DUSP29: variants seen among roughly 807,000 people sequenced by gnomAD.
DUSP29 encodes the protein atypical dual-specific protein phosphatase.
Under a neutral mutation model 13.5 loss-of-function variants are expected in DUSP29, and 12 were observed. That is an observed-to-expected ratio of 0.89 (90% CI 0.57 to 1.44). The LOEUF is 1.44. Among genes scored for constraint, DUSP29 ranks in the 40% most tolerant of loss-of-function variants. The pLI, the probability that DUSP29 is intolerant of heterozygous loss-of-function variation, is 0.00. For synonymous variants in DUSP29, 134 were observed against 128.7 expected (o/e 1.04, Z -0.28); for missense variants, 308 against 301.1 (o/e 1.02, Z -0.17).
At chr10:75,059,018 A>G (rs1049838101) in intron 1 of DUSP29, among the ~76,000 whole-genome samples, 6 of 152,142 alleles carry the variant, frequency 3.9e-5, no homozygotes, top group Non-Finnish European at 8.8e-5. Flanking sequence ...GAAAGAGTAC[A>G]TCGCCAAGGC....
intron 1 of DUSP29, among the ~76,000 whole-genome samples, chr10:75,059,694 G>A (rs1385253232): frequency 6.6e-6 from 1 of 152,050 alleles, no homozygotes; most frequent in Non-Finnish European, 1.5e-5. Flanking sequence ...GGCAGGCCGG[G>A]GATGCAGAGA....
At chr10:75,064,382 C>T (rs1847152451) in intron 1 of DUSP29, among the ~76,000 whole-genome samples, 1 of 152,148 alleles carries the variant, frequency 6.6e-6, no homozygotes, top group African/African-American at 2.4e-5. Flanking sequence ...GTGGCGCATG[C>T]CTGTAGTCCC....
At chr10:75,050,074 G>A (rs1387058069) in intron 2 of DUSP29, among the ~76,000 whole-genome samples, 4 of 152,214 alleles carry the variant, frequency 2.6e-5, no homozygotes, top group Non-Finnish European at 5.9e-5. Flanking sequence ...GCATTGTGGA[G>A]AGGGAAGAGA....
At chr10:75,059,951 G>C (rs1364779615) in intron 1 of DUSP29, among the ~76,000 whole-genome samples, 1 of 152,140 alleles carries the variant, frequency 6.6e-6, no homozygotes, top group African/African-American at 2.4e-5. Context: ...CTGAGGTCAG[G>C]AGTTCAAGAC....
intron 1 of DUSP29, among the ~76,000 whole-genome samples, chr10:75,063,284 G>T (rs1360039634): frequency 6.6e-6 from 1 of 152,154 alleles, no homozygotes; most frequent in African/African-American, 2.4e-5. Flanking sequence ...TGTAATCGAT[G>T]CTATTCTTGC....
intron 1 of DUSP29, among the ~76,000 whole-genome samples, chr10:75,060,432 T>G (rs142782400): frequency 1.2e-3 from 176 of 147,108 alleles, no homozygotes; most frequent in African/African-American, 4.4e-3. Context: ...GCCAAGATCA[T>G]ATCACTGCTC....
rs1846501006 is a variant in DUSP29, at chr10:75,037,993, G to A, written c.506C>T (p.Thr169Ile). The A allele has an allele frequency of 1.9e-6, 3 of 1,613,844 alleles. No individual in the cohort carries two copies. The highest frequency in any genetic ancestry group is 1.3e-5 in the African/African-American group (1 of 74,934). Reference protein sequence around the residue: ...LAYLMIHKDMTLVDAIQQVAK... With the variant: ...LAYLMIHKDMILVDAIQQVAK... ...CACTTGCTGGATGGCGTCCACCAGG[G>A]TCATGTCCTTGTGGATCATCAGGTA... Residue 169 changes from threonine to isoleucine, a missense_variant, in exon 4 of 4, where the codon ACC becomes ATC. Transcript: ENST00000338487.
At chr10:75,055,696 CA>C (rs1343345330) in intron 2 of DUSP29, among the ~76,000 whole-genome samples, 2 of 152,092 alleles carry the variant, frequency 1.3e-5, no homozygotes, top group Non-Finnish European at 2.9e-5. Flanking sequence ...GTAAATATAA[CA>C]AAAGCTCTGA....
At chr10:75,065,558 A>T (rs947662621) in intron 1 of DUSP29, among the ~76,000 whole-genome samples, 2 of 152,004 alleles carry the variant, frequency 1.3e-5, no homozygotes, top group Non-Finnish European at 2.9e-5. Context: ...CAAACTTCTG[A>T]CCTCAAATGA....
At chr10:75,069,357 T>C (rs1847270997) in intron 1 of DUSP29, among the ~76,000 whole-genome samples, 1 of 152,138 alleles carries the variant, frequency 6.6e-6, no homozygotes, top group Admixed American at 6.5e-5. Context: ...ACCAGGCCCG[T>C]TGTGGTTCCT....
intron 1 of DUSP29, among the ~76,000 whole-genome samples, chr10:75,060,754 A>G (rs1847071153): frequency 6.6e-6 from 1 of 152,214 alleles, no homozygotes; most frequent in African/African-American, 2.4e-5. Context: ...AGATGGTCAG[A>G]CATCATATGC....
At chr10:75,072,493 T>C (rs1026094086) in intron 1 of DUSP29, among the ~76,000 whole-genome samples, 4 of 152,042 alleles carry the variant, frequency 2.6e-5, no homozygotes, top group Non-Finnish European at 5.9e-5. Flanking sequence ...CCAGCCTCCA[T>C]GCCCAACGCG....
chr10:75,070,816 G>A (rs952282571), intron 1 of DUSP29, among the ~76,000 whole-genome samples: 6 of 152,182 alleles, frequency 3.9e-5, no homozygotes, highest in Non-Finnish European at 5.9e-5. Context: ...GCCTCTGGTC[G>A]CTGTGTCAGG....
chr10:75,056,224 T>A (rs1846955239), intron 2 of DUSP29, among the ~76,000 whole-genome samples: 1 of 152,034 alleles, frequency 6.6e-6, no homozygotes, highest in Non-Finnish European at 1.5e-5. Context: ...GATTCATTTT[T>A]AATTGCTTAA....
chr10:75,058,534 C>G lies in DUSP29; in HGVS notation c.-20G>C, dbSNP rs865949250. On this transcript the variant is annotated 5_prime_UTR_variant, in exon 2 of 4. Transcript: ENST00000338487. The stretch of plus-strand genomic sequence containing the variant: ...TGTCATTTTAGAGCCAAGGGATTTT[C>G]TCTCCTTTCTGCAGCTGGTTATGAG... 4.3e-6 allele frequency: 7 copies of G among 1,613,244 alleles called. 1 individual carries two copies. The Middle Eastern group carries it at 1.2e-3, about 266-fold the overall frequency.
intron 1 of DUSP29, among the ~76,000 whole-genome samples, chr10:75,062,143 C>T (rs1039646095): frequency 6.6e-6 from 1 of 152,190 alleles, no homozygotes; most frequent in Non-Finnish European, 1.5e-5. Context: ...CTTTCAGTCC[C>T]CTAAGAGCAT....
chr10:75,070,591 T>G (rs559540388), intron 1 of DUSP29, among the ~76,000 whole-genome samples: 1 of 151,664 alleles, frequency 6.6e-6, no homozygotes, highest in South Asian at 2.1e-4. Context: ...GGAGGGTGGG[T>G]GGGGAATTCC....
At chr10:75,038,585 CAG>C (rs1486711166) in intron 3 of DUSP29, among the ~76,000 whole-genome samples, 1 of 152,112 alleles carries the variant, frequency 6.6e-6, no homozygotes, top group Non-Finnish European at 1.5e-5. Flanking sequence ...TCCCAGAAAA[CAG>C]GGTAATTCTT....
chr10:75,042,425 A>G (rs1846605369), intron 3 of DUSP29, among the ~76,000 whole-genome samples: 1 of 152,240 alleles, frequency 6.6e-6, no homozygotes, highest in Admixed American at 6.5e-5. Context: ...TTCAAATACT[A>G]TGAGGCAAAT....
Sources: gnomAD v4.1 joint callset for allele counts (sites outside exome capture counted in the v4.1 genomes callset) on GRCh38, gnomAD v4.1.1 for gene constraint, MANE v1.5 for transcripts, NCBI Gene and HGNC (gene_info 2026-07-23, HGNC 2026-07-21) for gene names.